The following ATP12A variants were observed in gnomAD, a reference collection of about 807,000 sequenced individuals.
ATP12A encodes the protein ATPase H+/K+ transporting non-gastric alpha2 subunit, also known as potassium-transporting ATPase alpha chain 2.
Under a neutral mutation model 111.2 loss-of-function variants are expected in ATP12A, and 81 were observed. The observed-to-expected ratio is 0.73, with a 90% CI of 0.61 to 0.88. ATP12A has a LOEUF of 0.88. Ranked by LOEUF, ATP12A falls within the 40% of genes least tolerant of loss-of-function variation. The pLI, the probability that ATP12A is intolerant of heterozygous loss-of-function variation, is 0.00. For missense variants in ATP12A, 1,196 were observed against 1,313.1 expected, an observed-to-expected ratio of 0.91 and a Z score of 1.38; for synonymous variants, 498 against 499.8, an observed-to-expected ratio of 1.00 and a Z score of 0.05.
At chr13:24,704,761 A>G in intron 14 of ATP12A, 1 of 204,834 alleles carries the variant, frequency 4.9e-6, no homozygotes, top group Non-Finnish European at 1.0e-5. Flanking sequence ...TTCTTGCCTC[A>G]GTCAAAAGTC....
chr13:24,681,090 C>T (rs539704811), intron 1 of ATP12A, among the ~76,000 whole-genome samples: 2 of 152,278 alleles, frequency 1.3e-5, no homozygotes, highest in South Asian at 4.1e-4. Context: ...AAAAGACTTC[C>T]GGTTAGGGCC....
rs776098729 is a variant in ATP12A at position 24,690,461 on chromosome 13, CAG to C, written c.671_672del (p.Gln224ArgfsTer6). 13 of 1,613,668 alleles carry C rather than the reference CAG, an allele frequency of 8.1e-6. No homozygotes were observed. In the African/African-American group the frequency reaches 1.5e-4, roughly 18 times the overall value. ...IPADIRVLSSQGCRVDNSSLT... is the reference protein window; with the variant it reads ...IPADIRVLSSXGCRVDNSSLT... ...TGCAGACATCAGGGTGCTGTCTTCT[CAG>C]GGGTGTCGGGTAAGCGGCAAGGGGT... is the stretch of plus-strand genomic sequence containing the variant. On this transcript the variant is annotated frameshift_variant, in exon 6 of 23. Coordinates refer to ENST00000381946, the MANE Select transcript of ATP12A (RefSeq NM_001676.7). LOFTEE classifies it high-confidence loss of function.
intron 3 of ATP12A, among the ~76,000 whole-genome samples, chr13:24,686,886 G>A (rs892367814): frequency 2.6e-5 from 4 of 152,064 alleles, no homozygotes; most frequent in African/African-American, 4.8e-5. Flanking sequence ...GAGGAGAGCC[G>A]GTCGGGTGAT....
intron 18 of ATP12A, 60 bp from the exon 19 acceptor site, chr13:24,709,623 G>A (rs1201749927): frequency 1.7e-5 from 28 of 1,601,834 alleles, no homozygotes; most frequent in Non-Finnish European, 2.2e-5. Flanking sequence ...GAGTAGACAG[G>A]ATGAGGCAGT....
chr13:24,681,971 ATGG>A (rs1874460254), intron 2 of ATP12A, among the ~76,000 whole-genome samples: 1 of 85,600 alleles, frequency 1.2e-5, no homozygotes, highest in African/African-American at 5.0e-5. Flanking sequence ...TGTGTGGTGT[ATGG>A]TGTGTGGTGT....
intron 1 of ATP12A, 140 bp downstream of exon 1, chr13:24,680,892 C>G (rs1874405228): frequency 1.5e-6 from 2 of 1,324,890 alleles, no homozygotes; most frequent in South Asian, 1.8e-5. Context: ...CGCCTTTCCT[C>G]TGAGCGCCCC....
chr13:24,695,623 T>C (rs886617822), intron 11 of ATP12A, among the ~76,000 whole-genome samples: 1 of 124,190 alleles, frequency 8.1e-6, no homozygotes, highest in Non-Finnish European at 1.7e-5. Flanking sequence ...TTTTTTTTTT[T>C]TGAGAAGGAG....
chr13:24,693,595 C>T (rs1875002821), intron 10 of ATP12A, among the ~76,000 whole-genome samples: 1 of 152,248 alleles, frequency 6.6e-6, no homozygotes, highest in African/African-American at 2.4e-5. Context: ...ACCCGAATCT[C>T]TGGCTGGCTG....
chr13:24,701,605 T>A (rs992802460), intron 13 of ATP12A, among the ~76,000 whole-genome samples: 1 of 152,050 alleles, frequency 6.6e-6, no homozygotes, highest in Non-Finnish European at 1.5e-5. Context: ...TCCATGTTCA[T>A]CATTACTAGG....
At chr13:24,690,186 C>T in intron 5 of ATP12A, 152 bp from the exon 6 acceptor site, 2 of 1,188,982 alleles carry the variant, frequency 1.7e-6, no homozygotes, top group South Asian at 3.1e-5. Context: ...GTCCACAGGG[C>T]CAGGTGCAGG....
chr13:24,690,495 C>A, intron 6 of ATP12A, 23 bp downstream of exon 6: 1 of 1,612,470 alleles, frequency 6.2e-7, no homozygotes, highest in Non-Finnish European at 8.5e-7. Context: ...GGGTATCCAC[C>A]CCAAGGACCA....
chr13:24,680,477 A>C lies in ATP12A; in HGVS notation c.-267A>C. 1 of 433,918 alleles carries C rather than the reference A, an allele frequency of 2.3e-6. No individual in the cohort carries two copies. Among genetic ancestry groups the C allele is most frequent in the Non-Finnish European group, 4.1e-6 (1 of 246,396 alleles). 26.9% of individuals were successfully genotyped at this position (433,918 alleles called of 1,614,324 possible). ...CTGCGCGCGCGCCGGCGGGTTTCCTACCCTCCGAGGCGTCCGCTGGCCTGC... is the reference window on the plus strand; with the variant it reads ...CTGCGCGCGCGCCGGCGGGTTTCCTCCCCTCCGAGGCGTCCGCTGGCCTGC... On this transcript the variant is annotated 5_prime_UTR_variant, in exon 1 of 23. Coordinates refer to ENST00000381946, the MANE Select transcript of ATP12A (RefSeq NM_001676.7).
chr13:24,692,319 G>T, intron 8 of ATP12A, 110 bp from the exon 9 acceptor site: 1 of 1,216,026 alleles, frequency 8.2e-7, no homozygotes, highest in Non-Finnish European at 1.1e-6. Flanking sequence ...CCTAAAACTA[G>T]TCCAGCTCTC....
chr13:24,682,895 C>T (rs1344716791), intron 2 of ATP12A, among the ~76,000 whole-genome samples: 3 of 151,140 alleles, frequency 2.0e-5, no homozygotes, highest in East Asian at 1.9e-4. Context: ...TTGTAATTCA[C>T]GTGCTTTAGG....
chr13:24,680,599 G>A lies in ATP12A; in HGVS notation c.-145G>A. 3 of 956,228 alleles carry A rather than the reference G, an allele frequency of 3.1e-6. No individual in the cohort carries two copies. Among genetic ancestry groups the A allele is most frequent in the Non-Finnish European group, 4.5e-6 (3 of 670,590 alleles). The allele number at this position is 956,228 out of a possible 1,614,324, so 59.2% of individuals were successfully genotyped here. A position where few individuals can be genotyped will look rare whatever the true frequency, so the allele number is the denominator to read the frequency against. On this transcript the variant is annotated 5_prime_UTR_variant, in exon 1 of 23. Coordinates refer to ENST00000381946, the MANE Select transcript of ATP12A (RefSeq NM_001676.7). ...GATCGGCCGCGGAGGTGCGTGCAGG[G>A]CCCGCGCCGCCGCCGGTATCTCCAC...
chr13:24,708,593 A>G (rs1042247532), intron 17 of ATP12A, among the ~76,000 whole-genome samples: 1 of 152,038 alleles, frequency 6.6e-6, no homozygotes, highest in Non-Finnish European at 1.5e-5. Flanking sequence ...TTAGACATGC[A>G]CACTCTGGGC....
At chr13:24,691,370 G>A (rs1874898113) in intron 8 of ATP12A, 120 bp downstream of exon 8, 1 of 1,253,284 alleles carries the variant, frequency 8.0e-7, no homozygotes, top group Admixed American at 2.7e-5. Context: ...CTCCCCGCCA[G>A]CGACAACCCT....
chr13:24,701,992 G>A lies in ATP12A; in HGVS notation c.1939G>A (p.Gly647Arg). ...AGCCAAAGCTATTGCCAAGAGTGTG[G>A]GGATCATTTCAGCCAACAGTGAAAC... ...ITAKAIAKSV[G>R]IISANSETVE... The change falls in exon 14 of 23, where the codon GGG (glycine) becomes AGG (arginine). Residue 647 changes from glycine to arginine, a missense_variant. Transcript: ENST00000381946. The A allele has an allele frequency of 6.2e-7, 1 of 1,614,210 alleles. No individual in the cohort carries two copies. The highest frequency in any genetic ancestry group is 8.5e-7 in the Non-Finnish European group (1 of 1,180,038).
In ATP12A at chr13:24,706,110, G is replaced by A. The variant is rs552572704; in HGVS notation, c.2019-203G>A. On this transcript the variant is annotated intron_variant, in intron 14 of 22. Transcript: ENST00000381946. ...TTGTTATATGGTACCAAGAAATGGTGTTATATTTTAGCCTCAGTTTGCCCT... is the reference window on the plus strand; with the variant it reads ...TTGTTATATGGTACCAAGAAATGGTATTATATTTTAGCCTCAGTTTGCCCT... Among the ~76,000 whole-genome samples the A allele has an allele frequency of 5.3e-5, 8 of 152,314 alleles. No homozygotes were observed. In the South Asian group the frequency reaches 1.7e-3, roughly 32 times the overall value.
Sources: allele counts gnomAD v4.1 joint callset (sites outside exome capture counted in the v4.1 genomes callset), GRCh38; gene constraint gnomAD v4.1.1; transcripts MANE v1.5; gene names NCBI Gene and HGNC (gene_info 2026-07-23, HGNC 2026-07-21).